The following PDE4D variants were observed in gnomAD, a reference collection of about 807,000 sequenced individuals.
PDE4D encodes the protein phosphodiesterase 4D.
A neutral mutation model predicts 87.4 loss-of-function variants in PDE4D; 24 were observed. That is an observed-to-expected ratio of 0.27 (90% confidence interval 0.20 to 0.39). PDE4D has a LOEUF of 0.39. Among genes scored for constraint, PDE4D ranks in the 10% least tolerant of loss-of-function variants. The probability of loss-of-function intolerance (pLI) is 1.00; values close to 1 mark genes in which losing one functional copy is unlikely to be tolerated. For synonymous variants in PDE4D, 384 were observed against 383.2 expected, an observed-to-expected ratio of 1.00 and a Z score of -0.02; for missense variants, 714 against 1,041.0, an observed-to-expected ratio of 0.69 and a Z score of 4.32.
At chr5:59,659,646 A>G (rs548805940) in intron 1 of PDE4D, among the ~76,000 whole-genome samples, 1 of 152,374 alleles carries the variant, frequency 6.6e-6, no homozygotes, top group African/African-American at 2.4e-5. Context: ...TTTCTCTGAC[A>G]GTGTCCAGCT....
intron 3 of PDE4D, among the ~76,000 whole-genome samples, chr5:59,968,732 C>A (rs929030692): frequency 2.2e-4 from 33 of 152,136 alleles, no homozygotes; most frequent in African/African-American, 7.7e-4. Flanking sequence ...GATATTTGAT[C>A]TTGGTTCTTT....
chr5:59,586,390 T>C (rs1825129446), intron 1 of PDE4D: 3 of 1,608,194 alleles, frequency 1.9e-6, no homozygotes, highest in South Asian at 1.1e-5. Flanking sequence ...GCAGATCTTC[T>C]GTCATTAATA....
intron 1 of PDE4D, among the ~76,000 whole-genome samples, chr5:59,575,177 T>C (rs559850169): frequency 1.3e-5 from 2 of 152,154 alleles, no homozygotes; most frequent in Non-Finnish European, 2.9e-5. Context: ...AGGGAGATGA[T>C]TTTTAGAGCT....
chr5:59,167,428 C>A (rs1368783029), intron 5 of PDE4D, among the ~76,000 whole-genome samples: 2 of 152,182 alleles, frequency 1.3e-5, no homozygotes, highest in Non-Finnish European at 1.5e-5. Context: ...TGTCATTCAA[C>A]TCTGAGGTCT....
At chr5:60,340,270 C>T (rs1025825732) in intron 1 of PDE4D, among the ~76,000 whole-genome samples, 2 of 143,976 alleles carry the variant, frequency 1.4e-5, no homozygotes, top group Non-Finnish European at 3.0e-5. Context: ...AGAACCTGTA[C>T]AGCATCCTAT....
intron 1 of PDE4D, among the ~76,000 whole-genome samples, chr5:60,511,961 G>A (rs1007012441): frequency 4.6e-5 from 7 of 152,032 alleles, no homozygotes; most frequent in Non-Finnish European, 8.8e-5. Flanking sequence ...AAATGCACAC[G>A]TATAGACCCA....
chr5:59,419,345 C>T (rs1397142920), intron 1 of PDE4D, among the ~76,000 whole-genome samples: 2 of 152,136 alleles, frequency 1.3e-5, no homozygotes, highest in Admixed American at 1.3e-4. Flanking sequence ...GTTTTGCATT[C>T]CTAGCTGAAA....
At chr5:60,037,138 T>C (rs890219535) in intron 2 of PDE4D, among the ~76,000 whole-genome samples, 1 of 152,204 alleles carries the variant, frequency 6.6e-6, no homozygotes, top group Non-Finnish European at 1.5e-5. Flanking sequence ...GATGAGAATG[T>C]ATGTGGATAA....
rs1425865410 is a variant in PDE4D, at chr5:58,988,557, A to G, written c.1488T>C (p.Ile496=). Residue 496 remains isoleucine, a synonymous_variant, in exon 11 of 15, where the codon ATT becomes ATC. Coordinates refer to ENST00000340635, the MANE Select transcript of PDE4D (RefSeq NM_001104631.2). ...VFTDLEILAA[I]FASAIHDVDH... is the part of the protein sequence containing the mutation. ...CTACATCATGTATTGCACTGGCAAA[A>G]ATTGCTGCAAGAATCTCCAAATCTG... 2 of 1,502,390 alleles carry G rather than the reference A, an allele frequency of 1.3e-6. No homozygotes were observed. 93.1% of individuals were successfully genotyped at this position (1,502,390 alleles called of 1,614,324 possible). A position where few individuals can be genotyped will look rare whatever the true frequency, so the allele number is the denominator to read the frequency against.
intron 5 of PDE4D, chr5:59,090,958 G>T: frequency 1.0e-5 from 3 of 298,072 alleles, no homozygotes; most frequent in Non-Finnish European, 2.0e-5. Flanking sequence ...TAACTTATTT[G>T]GCCTTTGGCT....
At position 59,175,571 on chromosome 5, in the gene PDE4D, C is replaced by T. The variant is rs1192817152; in HGVS notation, c.808+5024G>A. 3.4e-5 allele frequency among the ~76,000 whole-genome samples: 5 copies of T among 146,834 alleles called. No individual in the cohort carries two copies. In the East Asian group the frequency reaches 8.1e-4, roughly 24 times the overall value. On this transcript the variant is annotated intron_variant, in intron 5 of 14. Coordinates refer to ENST00000340635, the MANE Select transcript of PDE4D (RefSeq NM_001104631.2). ...ATCTCGGCTCACTGCAACCTCCGCC[C>T]TCAGAGTTCAAGCGATTTCCTGTCT...
chr5:59,253,171 C>T (rs190081904), intron 1 of PDE4D, among the ~76,000 whole-genome samples: 2 of 152,194 alleles, frequency 1.3e-5, no homozygotes, highest in Admixed American at 6.5e-5. Flanking sequence ...GGAAAAATGG[C>T]TTTATGCTGG....
At chr5:59,820,090 T>G (rs1252547314) in intron 1 of PDE4D, among the ~76,000 whole-genome samples, 1 of 152,230 alleles carries the variant, frequency 6.6e-6, no homozygotes, top group Non-Finnish European at 1.5e-5. Flanking sequence ...ACAGGGATGA[T>G]GAAGATGCTA....
chr5:59,403,319 CTT>C (rs1791031971), intron 1 of PDE4D, among the ~76,000 whole-genome samples: 1 of 152,122 alleles, frequency 6.6e-6, no homozygotes, highest in Non-Finnish European at 1.5e-5. Flanking sequence ...ATTATATTCT[CTT>C]AGTTATTTTG....
At chr5:60,201,206 C>CAAAAAAAAAAAAAA (rs1161235940) in intron 1 of PDE4D, among the ~76,000 whole-genome samples, 1 of 61,962 alleles carries the variant, frequency 1.6e-5, no homozygotes, top group Admixed American at 1.7e-4. Context: ...AAAAAGAAAG[C>CAAAAAAAAAAAAAA]AAAAAAAAAA....
rs1316451188 is a variant in PDE4D at position 58,971,411 on chromosome 5, A to T, written c.*3253T>A. The T allele has an allele frequency of 6.6e-6, 1 of 152,608 alleles. No individual in the cohort carries two copies. Among genetic ancestry groups the T allele is most frequent in the African/African-American group, 2.4e-5 (1 of 41,456 alleles). 9.5% of individuals were successfully genotyped at this position (152,608 alleles called of 1,614,324 possible). On this transcript the variant is annotated 3_prime_UTR_variant, in exon 15 of 15. Transcript: ENST00000340635. ...ATCAACACCATCCCATCATGGGATG[A>T]TGTTTTAATAAGAACAGATAATTTA...
At chr5:59,369,446 T>C (rs1783601491) in intron 1 of PDE4D, among the ~76,000 whole-genome samples, 1 of 152,128 alleles carries the variant, frequency 6.6e-6, no homozygotes, top group Non-Finnish European at 1.5e-5. Flanking sequence ...GAGTGCGTAG[T>C]TTATTTGGAG....
At chr5:60,259,142 C>A (rs1749389185) in intron 1 of PDE4D, among the ~76,000 whole-genome samples, 1 of 151,960 alleles carries the variant, frequency 6.6e-6, no homozygotes, top group Non-Finnish European at 1.5e-5. Context: ...TTATTGAGTT[C>A]TTCCTATAAT....
intron 1 of PDE4D, among the ~76,000 whole-genome samples, chr5:60,479,548 T>G (rs1297554670): frequency 6.6e-6 from 1 of 152,208 alleles, no homozygotes; most frequent in African/African-American, 2.4e-5. Flanking sequence ...TAACATCTCA[T>G]TTATTTCTGT....
Sources: allele counts gnomAD v4.1 joint callset (sites outside exome capture counted in the v4.1 genomes callset), GRCh38; gene constraint gnomAD v4.1.1; transcripts MANE v1.5; gene names NCBI Gene and HGNC (gene_info 2026-07-23, HGNC 2026-07-21).